The following ANKRD55 variants were observed in gnomAD, a reference collection of about 807,000 sequenced individuals.
The protein encoded by ANKRD55 is ankyrin repeat domain 55, also known as ankyrin repeat domain-containing protein 55.
A neutral mutation model predicts 60.6 loss-of-function variants in ANKRD55; 41 were observed. That is an observed-to-expected ratio of 0.68 (90% CI 0.53 to 0.88). ANKRD55 has a LOEUF of 0.88. Among genes scored for constraint, ANKRD55 ranks in the 40% least tolerant of loss-of-function variants. ANKRD55 has a pLI of 0.00. For synonymous variants in ANKRD55, 264 were observed against 290.3 expected (o/e 0.91, Z 0.92); for missense variants, 732 against 767.6 (o/e 0.95, Z 0.55).
chr5:56,173,875 C>G lies in ANKRD55; in HGVS notation c.312+2277G>C, dbSNP rs542850889. The stretch of plus-strand genomic sequence containing the variant: ...CTCTACATATTTTATTTGAGTTTGA[C>G]ACATCTGTGGTAAGGTTTTTTTGTA... On this transcript the variant is annotated intron_variant, in intron 4 of 11. Transcript: ENST00000341048. Among the ~76,000 whole-genome samples the G allele has an allele frequency of 2.0e-5, 3 of 152,166 alleles. No individual in the cohort carries two copies. In the South Asian group the frequency reaches 6.2e-4, roughly 32 times the overall value.
At chr5:56,102,458 T>G (rs1359196464) in intron 11 of ANKRD55, 36 bp downstream of exon 11, 1 of 1,435,016 alleles carries the variant, frequency 7.0e-7, no homozygotes, top group East Asian at 2.3e-5. Flanking sequence ...ATGTTAACAC[T>G]TGCAAAGGAA....
chr5:56,109,038 A>AAC (rs60023559), intron 10 of ANKRD55, among the ~76,000 whole-genome samples: 12,496 of 143,752 alleles, frequency 0.087, 721 homozygotes, highest in African/African-American at 0.18. Context: ...TCTGTCTCAA[A>AAC]ACACACACAC....
chr5:56,163,754 T>C (rs1453961028), intron 5 of ANKRD55, among the ~76,000 whole-genome samples: 1 of 152,210 alleles, frequency 6.6e-6, no homozygotes, highest in Non-Finnish European at 1.5e-5. Context: ...TTTGACTCCA[T>C]GCACACAAAG....
intron 2 of ANKRD55, among the ~76,000 whole-genome samples, chr5:56,221,476 T>G: frequency 6.6e-6 from 1 of 152,152 alleles, no homozygotes; most frequent in East Asian, 1.9e-4. Flanking sequence ...TTCATCTCAC[T>G]GGGGCTTGTC....
intron 2 of ANKRD55, among the ~76,000 whole-genome samples, chr5:56,199,487 A>G (rs577248024): frequency 9.9e-5 from 15 of 152,280 alleles, no homozygotes; most frequent in Non-Finnish European, 2.1e-4. Context: ...CCATTAAGTC[A>G]GAAAAATGTA....
intron 2 of ANKRD55, among the ~76,000 whole-genome samples, chr5:56,209,911 A>G (rs1236754611): frequency 6.6e-6 from 1 of 152,214 alleles, no homozygotes; most frequent in East Asian, 1.9e-4. Context: ...GCTTGAGAGC[A>G]CACTTCACCC....
chr5:56,163,948 C>T (rs2111800097), intron 5 of ANKRD55, among the ~76,000 whole-genome samples: 1 of 152,122 alleles, frequency 6.6e-6, no homozygotes, highest in African/African-American at 2.4e-5. Context: ...AAAAATTAGC[C>T]AGGCATGATG....
At chr5:56,119,235 C>T (rs1394603939) in intron 8 of ANKRD55, among the ~76,000 whole-genome samples, 2 of 152,176 alleles carry the variant, frequency 1.3e-5, no homozygotes, top group Non-Finnish European at 2.9e-5. Context: ...TGGAATACTA[C>T]TCAGTAGTGA....
chr5:56,218,772 G>A (rs1019978807), intron 2 of ANKRD55, among the ~76,000 whole-genome samples: 13 of 151,908 alleles, frequency 8.6e-5, no homozygotes, highest in Admixed American at 7.9e-4. Context: ...TTAACAAAAA[G>A]CACACACACA....
At chr5:56,224,358 A>T (rs1177173318) in intron 2 of ANKRD55, among the ~76,000 whole-genome samples, 1 of 152,242 alleles carries the variant, frequency 6.6e-6, no homozygotes, top group Non-Finnish European at 1.5e-5. Flanking sequence ...GGAAATTTAT[A>T]GCACTAAATG....
chr5:56,128,149 A>G (rs79926589), intron 7 of ANKRD55, among the ~76,000 whole-genome samples: 2,963 of 152,304 alleles, frequency 0.019, 92 homozygotes, highest in African/African-American at 0.068. Context: ...TAGCCATTCA[A>G]TAAGGAAAAT....
At chr5:56,190,099 C>A (rs888468772) in intron 2 of ANKRD55, among the ~76,000 whole-genome samples, 1 of 152,094 alleles carries the variant, frequency 6.6e-6, no homozygotes, top group Non-Finnish European at 1.5e-5. Context: ...AGCATTTTTC[C>A]AAGTGCTTAT....
At chr5:56,210,560 C>CAA (rs59566826) in intron 2 of ANKRD55, among the ~76,000 whole-genome samples, 228 of 64,928 alleles carry the variant, frequency 3.5e-3, no homozygotes, top group Middle Eastern at 0.018. Context: ...GACTACGTCT[C>CAA]AAAAAAAAAA....
At chr5:56,122,534 C>T (rs945114621) in intron 8 of ANKRD55, among the ~76,000 whole-genome samples, 6 of 151,764 alleles carry the variant, frequency 4.0e-5, no homozygotes, top group African/African-American at 1.2e-4. Context: ...TGGCGCACAC[C>T]TGTAGTCCCA....
Position 56,143,808 on chromosome 5 carries a change from G to GC in ANKRD55, c.604dup (p.Ala202GlyfsTer7), listed in dbSNP as rs755571114. On this transcript the variant is annotated frameshift_variant, in exon 7 of 12. Transcript: ENST00000341048. LOFTEE classifies it high-confidence loss of function. ...CACAGGTCAATTTCTCACCTGGACTGCCCAGTGGAGAGCGGTTTTAAAGTC... is the reference window on the plus strand; with the variant it reads ...CACAGGTCAATTTCTCACCTGGACTGCCCCAGTGGAGAGCGGTTTTAAAGTC... 15 of 1,614,084 alleles carry GC rather than the reference G, an allele frequency of 9.3e-6. No individual in the cohort carries two copies.
intron 6 of ANKRD55, chr5:56,146,735 A>G (rs1361668251): frequency 6.6e-6 from 1 of 152,192 alleles, no homozygotes; most frequent in Non-Finnish European, 1.5e-5. Context: ...TGAGTGCTCC[A>G]AACAATCTTG....
intron 2 of ANKRD55, among the ~76,000 whole-genome samples, chr5:56,221,744 A>G (rs1284300761): frequency 6.6e-6 from 1 of 152,234 alleles, no homozygotes; most frequent in Non-Finnish European, 1.5e-5. Flanking sequence ...AGCCTTGCTC[A>G]CTGCTAGCAC....
chr5:56,209,837 T>G (rs897481930), intron 2 of ANKRD55, among the ~76,000 whole-genome samples: 2 of 152,182 alleles, frequency 1.3e-5, no homozygotes, highest in African/African-American at 4.8e-5. Context: ...TGGAAGTCAA[T>G]GGATTTGACT....
At chr5:56,211,842 C>T (rs891732196) in intron 2 of ANKRD55, among the ~76,000 whole-genome samples, 1 of 152,230 alleles carries the variant, frequency 6.6e-6, no homozygotes, top group Middle Eastern at 3.4e-3. Flanking sequence ...GGAAGCACAC[C>T]TGTGAACAAT....
Sources: allele counts gnomAD v4.1 joint callset (sites outside exome capture counted in the v4.1 genomes callset), GRCh38; gene constraint gnomAD v4.1.1; transcripts MANE v1.5; gene names NCBI Gene and HGNC (gene_info 2026-07-23, HGNC 2026-07-21).